Variants in RFC3 observed in about 807,000 individuals in gnomAD.
RFC3 encodes the protein A1 38 kDa subunit.
In RFC3, 41 loss-of-function variants were observed where a neutral mutation model predicts 45.1. That is an observed-to-expected ratio of 0.91 (90% CI 0.71 to 1.18). RFC3 has a LOEUF of 1.18. RFC3 is among the 50% of genes most tolerant of loss of function. The probability of loss-of-function intolerance (pLI) is 0.00; values close to 1 mark genes in which losing one functional copy is unlikely to be tolerated. For synonymous variants in RFC3, 149 were observed against 144.0 expected (o/e 1.03, Z -0.25); for missense variants, 423 against 428.1 (o/e 0.99, Z 0.10).
intron 2 of RFC3, among the ~76,000 whole-genome samples, chr13:33,821,946 A>G (rs964506087): frequency 1.3e-5 from 2 of 152,108 alleles, no homozygotes; most frequent in Non-Finnish European, 2.9e-5. Context: ...CTTTGAAAAG[A>G]TTGTATTTGT....
At chr13:33,942,227 T>C (rs1232101044) in intron 8 of RFC3, among the ~76,000 whole-genome samples, 1 of 152,176 alleles carries the variant, frequency 6.6e-6, no homozygotes, top group Non-Finnish European at 1.5e-5. Context: ...ATTGTAATTT[T>C]TTTGCCTTTT....
intron 8 of RFC3, among the ~76,000 whole-genome samples, chr13:33,911,432 G>A (rs544510245): frequency 3.3e-5 from 5 of 152,110 alleles, no homozygotes; most frequent in African/African-American, 1.2e-4. Flanking sequence ...AAGTATTTTG[G>A]GGTGTATTAT....
chr13:33,913,620 A>G (rs2082715907), intron 8 of RFC3, among the ~76,000 whole-genome samples: 1 of 152,106 alleles, frequency 6.6e-6, no homozygotes, highest in African/African-American at 2.4e-5. Context: ...TCTTTAAATG[A>G]GATGACACTA....
At chr13:33,909,845 A>C (rs2082693792) in intron 8 of RFC3, among the ~76,000 whole-genome samples, 2 of 152,082 alleles carry the variant, frequency 1.3e-5, no homozygotes, top group African/African-American at 2.4e-5. Flanking sequence ...TTTGCTCAGT[A>C]AGATTCACAT....
chr13:33,831,763 T>C (rs937278933), intron 7 of RFC3, among the ~76,000 whole-genome samples: 10 of 152,194 alleles, frequency 6.6e-5, no homozygotes, highest in Non-Finnish European at 1.2e-4. Flanking sequence ...AAGTCAGACT[T>C]CTAGTTCTTG....
chr13:33,829,686 A>G (rs1431277010), intron 4 of RFC3, 150 bp from the exon 5 acceptor site: 2 of 661,758 alleles, frequency 3.0e-6, no homozygotes, highest in African/African-American at 3.7e-5. Flanking sequence ...TAATTTTACC[A>G]TACTTATAAC....
intron 8 of RFC3, among the ~76,000 whole-genome samples, chr13:33,906,586 C>T (rs774047134): frequency 3.9e-5 from 6 of 152,004 alleles, no homozygotes; most frequent in African/African-American, 7.2e-5. Flanking sequence ...TGCATATATT[C>T]CCTTTTATGA....
In RFC3 at chr13:33,843,141, A is replaced by G. The variant is rs368146756; in HGVS notation, c.879+7924A>G. ...CAATTTTCTTTGTACCTTGTTCCCAAGTAAAACATAGTCATCTCATATTTT... is the reference window on the plus strand; with the variant it reads ...CAATTTTCTTTGTACCTTGTTCCCAGGTAAAACATAGTCATCTCATATTTT... On this transcript the variant is annotated intron_variant, in intron 8 of 8. Coordinates refer to the RFC3 transcript ENST00000434425. Among the ~76,000 whole-genome samples the G allele has an allele frequency of 5.9e-5, 9 of 152,168 alleles. No individual in the cohort carries two copies. The South Asian group carries it at 6.2e-4, about 11-fold the overall frequency.
chr13:33,836,270 A>G lies in RFC3; in HGVS notation c.1046A>G (p.Asp349Gly), dbSNP rs1313358229. 1.2e-6 allele frequency: 2 copies of G among 1,613,046 alleles called. No homozygotes were observed. Among genetic ancestry groups the G allele is most frequent in the East Asian group, 2.2e-5 (1 of 44,872 alleles). ...FMALYKKFME[D>G]GLEGMMF The stretch of plus-strand genomic sequence containing the variant: ...GCACTTTATAAGAAGTTCATGGAGG[A>G]TGGATTGGAAGGCATGATGTTCTGA... The change falls in exon 9 of 9, where the codon GAT (aspartate) becomes GGT (glycine). Residue 349 changes from aspartate (D) to glycine (G), a missense_variant. Transcript: ENST00000380071.
intron 8 of RFC3, among the ~76,000 whole-genome samples, chr13:33,926,377 TA>T (rs989981634): frequency 1.3e-4 from 20 of 148,180 alleles, no homozygotes; most frequent in Admixed American, 2.0e-4. Flanking sequence ...ATAAATAAAT[TA>T]AAAAAAAATA....
rs563564876 is a variant in RFC3 at position 33,951,184 on chromosome 13, A to G, written c.880-14903A>G. 3.1e-4 allele frequency among the ~76,000 whole-genome samples: 47 copies of G among 150,680 alleles called. No individual in the cohort carries two copies. In the South Asian group the frequency reaches 9.6e-3, roughly 31 times the overall value. ...TAGAATGTTAGTTTCTTAATGGAAG[A>G]GGTCACATTTAAGTGCTCTTTGCAT... On this transcript the variant is annotated intron_variant, in intron 8 of 8. Transcript: ENST00000434425.
the RFC3 span, among the ~76,000 whole-genome samples, chr13:33,973,591 ACTCCTTCTCCTT>A: frequency 6.7e-6 from 1 of 148,330 alleles, no homozygotes; most frequent in South Asian, 2.2e-4. Flanking sequence ...GTCATTTTCA[ACTCCTTCTCCTT>A]CTCCTTCTCC....
In RFC3 at chr13:33,837,164, C is replaced by A; in HGVS notation, c.*869C>A. On this transcript the variant is annotated 3_prime_UTR_variant, in exon 9 of 9. Transcript: ENST00000380071. The stretch of plus-strand genomic sequence containing the variant: ...GATTTTTGACCAGTGAAACTATGAT[C>A]CCAATCAAGGTATAGATGCCGTCAC... 1.6e-6 allele frequency: 1 copy of A among 633,704 alleles called. No individual in the cohort carries two copies. The highest frequency in any genetic ancestry group is 2.0e-5 in the African/African-American group (1 of 50,436). The allele number at this position is 633,704 out of a possible 1,614,324, so 39.3% of individuals were successfully genotyped here.
intron 8 of RFC3, among the ~76,000 whole-genome samples, chr13:33,939,139 T>C (rs1048367806): frequency 6.6e-6 from 1 of 152,214 alleles, no homozygotes; most frequent in Non-Finnish European, 1.5e-5. Context: ...ATTTGTAGTT[T>C]TAAAATATAT....
chr13:33,849,479 G>A (rs2082262354), intron 8 of RFC3: 1 of 152,108 alleles, frequency 6.6e-6, no homozygotes, highest in Non-Finnish European at 1.5e-5. Flanking sequence ...AAATATAACA[G>A]TCAGCTCTTG....
chr13:33,893,705 A>C (rs1203494145), intron 8 of RFC3, among the ~76,000 whole-genome samples: 1 of 152,076 alleles, frequency 6.6e-6, no homozygotes, highest in Non-Finnish European at 1.5e-5. Context: ...AGAAACAAAA[A>C]TTTTGGAACT....
chr13:33,881,954 G>A (rs2082487666), intron 8 of RFC3, among the ~76,000 whole-genome samples: 2 of 152,182 alleles, frequency 1.3e-5, no homozygotes, highest in African/African-American at 4.8e-5. Flanking sequence ...TCAAATCTCA[G>A]TTTGGCCTTT....
intron 8 of RFC3, among the ~76,000 whole-genome samples, chr13:33,959,268 C>T (rs557370236): frequency 2.6e-5 from 4 of 152,264 alleles, no homozygotes; most frequent in Admixed American, 6.5e-5. Context: ...CTTACAAACT[C>T]GATAACTTCT....
At chr13:33,872,191 T>C (rs758273811) in intron 8 of RFC3, among the ~76,000 whole-genome samples, 9 of 152,240 alleles carry the variant, frequency 5.9e-5, no homozygotes, top group East Asian at 1.9e-4. Context: ...TTAAATACGA[T>C]GTAAGTGGCT....
Sources: gnomAD v4.1 joint callset for allele counts (sites outside exome capture counted in the v4.1 genomes callset) on GRCh38, gnomAD v4.1.1 for gene constraint, MANE v1.5 for transcripts, NCBI Gene and HGNC (gene_info 2026-07-23, HGNC 2026-07-21) for gene names.